FBXL18: variants seen among roughly 807,000 people sequenced by gnomAD.
The protein encoded by FBXL18 is F-box/LRR-repeat protein 18.
FBXL18 carries 36 observed loss-of-function variants against 46.0 expected under a neutral mutation model. The observed-to-expected ratio is 0.78, with a 90% confidence interval of 0.60 to 1.03. FBXL18 has a LOEUF of 1.03. FBXL18 is among the 50% of genes least tolerant of loss of function. The pLI is 0.00. For missense variants in FBXL18, 977 were observed against 1,004.1 expected (o/e 0.97, Z 0.36); for synonymous variants, 557 against 465.3 (o/e 1.20, Z -2.54).
At position 5,496,083 on chromosome 7, in the gene FBXL18, C is replaced by T. The variant is rs967789279; in HGVS notation, c.1781+4405G>A. Among the ~76,000 whole-genome samples the T allele has an allele frequency of 2.0e-5, 3 of 152,188 alleles. No individual in the cohort carries two copies. Among genetic ancestry groups the T allele is most frequent in the African/African-American group, 7.2e-5 (3 of 41,446 alleles). On this transcript the variant is annotated intron_variant, in intron 3 of 4. Coordinates refer to ENST00000382368, the MANE Select transcript of FBXL18 (RefSeq NM_024963.6). This position sits in a 1 kb window ranked among gnomAD's most constrained non-coding sequence, Gnocchi z 4.8. ...TTCCGTCCCAGACTCCGGAGGCCATCGGGGACCATGAAATCACGCTGACCT... is the reference window on the plus strand; with the variant it reads ...TTCCGTCCCAGACTCCGGAGGCCATTGGGGACCATGAAATCACGCTGACCT...
Position 5,467,147 on chromosome 7 carries a change from C to G in FBXL18, c.2001-19304G>C, listed in dbSNP as rs62441006. Among the ~76,000 whole-genome samples, 29 of 152,050 alleles carry G rather than the reference C, an allele frequency of 1.9e-4. 1 individual carries two copies. Among genetic ancestry groups the G allele is most frequent in the African/African-American group, 6.7e-4 (28 of 41,512 alleles). ...CGGGCGGATCACGAGTTCAGGAGAT[C>G]GAGACCATCCTGGCTTACACAGTGA... On this transcript the variant is annotated intron_variant and NMD_transcript_variant, in intron 4 of 6. Transcript: ENST00000415009.
rs1405287211 is a variant in FBXL18, at chr7:5,462,969, AAT to A, written c.2001-15128_2001-15127del. 9.6e-3 allele frequency among the ~76,000 whole-genome samples: 151 copies of A among 15,662 alleles called. 12 individuals carry two copies. Among genetic ancestry groups the A allele is most frequent in the Middle Eastern group, 0.062 (1 of 16 alleles). The allele number at this position is 15,662 out of a possible 152,430, so 10.3% of individuals were successfully genotyped here. On this transcript the variant is annotated intron_variant and NMD_transcript_variant, in intron 4 of 6. Transcript: ENST00000415009. ...TGGTCTCAAAAAAAAAAAAAAAAAA[AAT>A]ATATATATATATATATATATATATA...
Position 5,497,807 on chromosome 7 carries a change from A to G in FBXL18, c.1781+2681T>C, listed in dbSNP as rs571925079. ...ATCAAGGCTGCAATCGCAGCAGATT[A>G]TGGCAGGGAGGATGGGCTCAGTGCA... On this transcript the variant is annotated intron_variant, in intron 3 of 4. Transcript: ENST00000382368. Among the ~76,000 whole-genome samples the G allele has an allele frequency of 3.9e-5, 6 of 152,340 alleles. No homozygotes were observed. The South Asian group carries it at 6.2e-4, about 16-fold the overall frequency.
Position 5,501,420 on chromosome 7 carries a change from C to G in FBXL18, c.849G>C (p.Leu283=). 4 of 1,613,604 alleles carry G rather than the reference C, an allele frequency of 2.5e-6. No individual in the cohort carries two copies. The highest frequency in any genetic ancestry group is 2.7e-5 in the African/African-American group (2 of 75,048). ...GCACGACATTGCGCGCCATGGAGTCCAGGAGGTTCTTGGTGGCGCCGCTCT... is the reference window on the plus strand; with the variant it reads ...GCACGACATTGCGCGCCATGGAGTCGAGGAGGTTCTTGGTGGCGCCGCTCT... ...FAESGATKNL[L]DSMARNVVLD... is the part of the protein sequence containing the mutation. The change falls in exon 3 of 5, where the codon CTG becomes CTC. Residue 283 remains leucine, a synonymous_variant. Transcript: ENST00000382368.
rs1784238695 is a variant in FBXL18, at chr7:5,501,139, G to A, written c.1130C>T (p.Thr377Ile). 9.3e-6 allele frequency: 15 copies of A among 1,613,024 alleles called. No individual in the cohort carries two copies. Among genetic ancestry groups the A allele is most frequent in the Non-Finnish European group, 1.2e-5 (14 of 1,179,826 alleles). The change falls in exon 3 of 5, where the codon ACT (threonine) becomes ATT (isoleucine). Residue 377 changes from threonine (T) to isoleucine (I), a missense_variant. By Grantham distance (89) the Thr-to-Ile change is moderately conservative. Transcript: ENST00000382368. The stretch of plus-strand genomic sequence containing the variant: ...CAGGTTGCAGCAGGACGCCACCAGA[G>A]TCTCCAGGATGCTGCTGTCGATGTC... ...EDDIDSSILETLVASCCNLRH... is the reference protein window; with the variant it reads ...EDDIDSSILEILVASCCNLRH...
At chr7:5,473,353 C>T (rs1449267639), downstream of FBXL18, among the ~76,000 whole-genome samples, 10 of 152,128 alleles carry the variant, frequency 6.6e-5, no homozygotes, top group South Asian at 2.1e-4. Context: ...TGTCCCCATC[C>T]GGATCCTGGT....
intron 1 of FBXL18, among the ~76,000 whole-genome samples, chr7:5,505,951 G>A (rs946753045): frequency 2.6e-5 from 4 of 152,008 alleles, no homozygotes; most frequent in African/African-American, 4.8e-5. Context: ...TGCAACCTCC[G>A]CCTCCCAGGC....
downstream of FBXL18, among the ~76,000 whole-genome samples, chr7:5,474,457 A>G (rs1783476001): frequency 1.3e-5 from 2 of 149,720 alleles, no homozygotes; most frequent in Non-Finnish European, 3.0e-5. Flanking sequence ...GACCACAGAC[A>G]GGTGTGTGCC....
rs1262932861 is a variant in FBXL18, at chr7:5,501,923, C to T, written c.346G>A (p.Ala116Thr). Residue 116 changes from alanine to threonine, a missense_variant, in exon 3 of 5, where the codon GCC (alanine) becomes ACC (threonine). Ala to Thr is a moderately conservative substitution (Grantham distance 58, BLOSUM62 0). Transcript: ENST00000382368. ...WLPGSTVEHV[A>T]RCRSLVKVNL... is the part of the protein sequence containing the mutation. Reference sequence around the variant, plus strand: ...ACCTTCACCAGGCTGCGGCAGCGGGCCACGTGTTCCACGGTGGAGCCAGGC... The same window carrying T: ...ACCTTCACCAGGCTGCGGCAGCGGGTCACGTGTTCCACGGTGGAGCCAGGC... 1 of 1,602,788 alleles carries T rather than the reference C, an allele frequency of 6.2e-7. No homozygotes were observed. The highest frequency in any genetic ancestry group is 1.1e-5 in the South Asian group (1 of 88,992).
intron 4 of FBXL18, among the ~76,000 whole-genome samples, 188 bp from the exon 5 acceptor site, chr7:5,482,119 C>G (rs903172011): frequency 6.6e-6 from 1 of 152,208 alleles, no homozygotes; most frequent in Non-Finnish European, 1.5e-5. Context: ...GCAGACAGAG[C>G]TGGGGAGGAG....
intron 4 of FBXL18, chr7:5,489,998 C>T (rs1402041564): frequency 2.3e-6 from 3 of 1,288,680 alleles, no homozygotes; most frequent in Non-Finnish European, 3.1e-6. Context: ...TTAAAAAGTA[C>T]TCTATAAACA....
intron 4 of FBXL18, among the ~76,000 whole-genome samples, chr7:5,460,694 C>T (rs1193787345): frequency 6.6e-6 from 1 of 152,212 alleles, no homozygotes; most frequent in Non-Finnish European, 1.5e-5. Flanking sequence ...CCCAAGCGAT[C>T]TGCCCACCTC....
chr7:5,491,386 C>A lies in FBXL18; in HGVS notation c.1845G>T (p.Ser615=). Residue 615 remains serine (S), a synonymous_variant, in exon 4 of 5, where the codon TCG becomes TCT. Transcript: ENST00000382368. ...QFFQALSQCP[S]LQRLCLVSRS... is the part of the protein sequence containing the mutation. ...GAGAGACCAGGCACAGGCGCTGCAG[C>A]GAGGGGCACTGGCTCAGCGCCTGGA... is the stretch of plus-strand genomic sequence containing the variant. 6.2e-7 allele frequency: 1 copy of A among 1,607,678 alleles called. No homozygotes were observed. The highest frequency in any genetic ancestry group is 8.5e-7 in the Non-Finnish European group (1 of 1,178,084).
At chr7:5,505,152 TC>T (rs1172450028) in intron 2 of FBXL18, among the ~76,000 whole-genome samples, 2 of 151,186 alleles carry the variant, frequency 1.3e-5, no homozygotes, top group African/African-American at 4.9e-5. Flanking sequence ...CCAACCCCTC[TC>T]CCCCACTCCC....
Position 5,501,348 on chromosome 7 carries a change from G to A in FBXL18, c.921C>T (p.Leu307=), listed in dbSNP as rs1299190213. 1.2e-6 allele frequency: 2 copies of A among 1,614,172 alleles called. No homozygotes were observed. Among genetic ancestry groups the A allele is most frequent in the East Asian group, 2.2e-5 (1 of 44,886 alleles). The change falls in exon 3 of 5, where the codon CTC becomes CTT. Residue 307 remains leucine (L), a synonymous_variant. Transcript: ENST00000382368. ...GGTTGTTGAATTTCATGTGCTGCAG[G>A]AGGGAAGAGCCGTTCAGCCAGGACT... The part of the protein sequence containing the change: ...LPKSWLNGSS[L]LQHMKFNNPF...
chr7:5,465,857 G>A (rs937822959), intron 4 of FBXL18, among the ~76,000 whole-genome samples: 18 of 149,320 alleles, frequency 1.2e-4, no homozygotes, highest in African/African-American at 3.7e-4. Context: ...TTAGTCTGTC[G>A]CCCAGTCTGG....
intron 1 of FBXL18, among the ~76,000 whole-genome samples, chr7:5,507,016 G>A (rs931847676): frequency 1.3e-5 from 2 of 152,202 alleles, no homozygotes; most frequent in African/African-American, 4.8e-5. Flanking sequence ...GACAAAGGAA[G>A]GCAGAAGGCT....
rs1279594423 is a variant in FBXL18, at chr7:5,505,568, G to A, written c.81C>T (p.His27=). ...GGATCTCATCAGAGAACCCTAGGAG[G>A]TGGACCCCGTCTGCCATCCCGGCTG... is the stretch of plus-strand genomic sequence containing the variant. ...PAAAGMADGV[H]LLGFSDEILL... The change falls in exon 2 of 5, where the codon CAC becomes CAT. Residue 27 remains histidine (H), a synonymous_variant. Coordinates refer to ENST00000382368, the MANE Select transcript of FBXL18 (RefSeq NM_024963.6). The A allele has an allele frequency of 6.8e-6, 11 of 1,614,072 alleles. No individual in the cohort carries two copies. The highest frequency in any genetic ancestry group is 2.2e-5 in the East Asian group (1 of 44,876).
intron 3 of FBXL18, among the ~76,000 whole-genome samples, chr7:5,499,099 G>A (rs765635805): frequency 5.9e-5 from 9 of 152,038 alleles, no homozygotes; most frequent in Non-Finnish European, 1.2e-4. Context: ...CCTCCTCCCC[G>A]CTCTGGGATG....
Sources: gnomAD v4.1 joint callset for allele counts (sites outside exome capture counted in the v4.1 genomes callset) on GRCh38, gnomAD v4.1.1 for gene constraint, Gnocchi (gnomAD v3.1) non-coding constraint, MANE v1.5 for transcripts, NCBI Gene and HGNC (gene_info 2026-07-23, HGNC 2026-07-21) for gene names.